The following MED23 variants were observed in gnomAD, a reference collection of about 807,000 sequenced individuals.
The protein encoded by MED23 is mediator of RNA polymerase II transcription subunit 23.
A neutral mutation model predicts 163.9 loss-of-function variants in MED23; 105 were observed. The observed-to-expected ratio is 0.64, with a 90% CI of 0.55 to 0.75. The LOEUF (loss-of-function observed/expected upper bound fraction) is 0.75. MED23 is among the 30% of genes least tolerant of loss of function. MED23 has a pLI of 0.00. For synonymous variants in MED23, 561 were observed against 565.6 expected (o/e 0.99, Z 0.12); for missense variants, 1,054 against 1,649.0 (o/e 0.64, Z 6.25).
chr6:131,575,238 G>A (rs1773557348), intron 30 of MED23, among the ~76,000 whole-genome samples: 1 of 152,310 alleles, frequency 6.6e-6, no homozygotes, highest in East Asian at 1.9e-4. Flanking sequence ...AAGCCAAGGA[G>A]TTTTATCAAA....
At position 131,628,051 on chromosome 6, in the gene MED23, T is replaced by A; in HGVS notation, c.-2A>T. 6.2e-7 allele frequency: 1 copy of A among 1,614,012 alleles called. No individual in the cohort carries two copies. Among genetic ancestry groups the A allele is most frequent in the South Asian group, 1.1e-5 (1 of 91,078 alleles). Reference sequence around the variant, plus strand: ...AATGCTCTGCAGTTGCGTCTCCATCTGTACTATCACCCCCGCCTTTCCAGG... The same window carrying A: ...AATGCTCTGCAGTTGCGTCTCCATCAGTACTATCACCCCCGCCTTTCCAGG... On this transcript the variant is annotated 5_prime_UTR_variant, in exon 1 of 29. Transcript: ENST00000368068.
chr6:131,586,699 C>A, downstream of MED23: 1 of 1,367,444 alleles, frequency 7.3e-7, no homozygotes, highest in South Asian at 1.4e-5. Flanking sequence ...CAGCACACCA[C>A]CTGGCACACA....
At chr6:131,589,998 C>T (rs780879640) in intron 27 of MED23, among the ~76,000 whole-genome samples, 16 of 152,080 alleles carry the variant, frequency 1.1e-4, no homozygotes, top group Non-Finnish European at 2.2e-4. Context: ...TCCTTGTTTG[C>T]GACATTTTGT....
At chr6:131,588,959 C>T (rs1378569399) in intron 28 of MED23, among the ~76,000 whole-genome samples, 1 of 152,050 alleles carries the variant, frequency 6.6e-6, no homozygotes, top group Non-Finnish European at 1.5e-5. Flanking sequence ...ATAAATAATT[C>T]CCTAGGACTT....
chr6:131,575,064 G>C (rs1387789785), intron 30 of MED23, among the ~76,000 whole-genome samples: 2 of 152,046 alleles, frequency 1.3e-5, no homozygotes, highest in Admixed American at 1.3e-4. Context: ...TTCCAAAGTG[G>C]GCAGATAGAG....
intron 30 of MED23, chr6:131,579,341 C>T (rs1436688738): frequency 2.5e-6 from 4 of 1,583,298 alleles, no homozygotes; most frequent in Non-Finnish European, 3.5e-6. Context: ...TAACCAAGGC[C>T]ATAAGAAGAG....
upstream of MED23, chr6:131,628,306 C>G: frequency 1.9e-6 from 1 of 536,672 alleles, no homozygotes; most frequent in East Asian, 3.3e-5. Flanking sequence ...CCAGAAGGTT[C>G]CGTCTGTGGA....
chr6:131,591,874 T>A (rs1163424260), intron 25 of MED23: 2 of 259,686 alleles, frequency 7.7e-6, no homozygotes, highest in Non-Finnish European at 1.5e-5. Context: ...GAAAGGAGTC[T>A]TCATGTGAGC....
intron 22 of MED23, among the ~76,000 whole-genome samples, chr6:131,595,704 A>G (rs1305710890): frequency 2.0e-5 from 3 of 152,214 alleles, no homozygotes; most frequent in African/African-American, 7.2e-5. Context: ...CCCATCCAAG[A>G]AGGCCGCCAA....
intron 8 of MED23, among the ~76,000 whole-genome samples, chr6:131,619,069 C>T (rs1776898062): frequency 6.6e-6 from 1 of 152,208 alleles, no homozygotes; most frequent in South Asian, 2.1e-4. Flanking sequence ...GTCCTACAAG[C>T]ACCTCAAGCT....
Position 131,628,093 on chromosome 6 carries a change from G to A in MED23, c.-44C>T, listed in dbSNP as rs774806739. On this transcript the variant is annotated 5_prime_UTR_variant, in exon 1 of 29. Transcript: ENST00000368068. ...CTTTCCAGGGTGCCCGGCAAGGCCC[G>A]GATCAGACTCGAGCTCTGGGAATAT... 3.1e-6 allele frequency: 5 copies of A among 1,610,144 alleles called. No individual in the cohort carries two copies. The highest frequency in any genetic ancestry group is 2.2e-5 in the South Asian group (2 of 91,034).
At chr6:131,585,752 T>C (rs941067795), downstream of MED23, among the ~76,000 whole-genome samples, 1 of 152,186 alleles carries the variant, frequency 6.6e-6, no homozygotes, top group Non-Finnish European at 1.5e-5. Flanking sequence ...ATAAAGGCAT[T>C]TTTTTCCCCT....
At chr6:131,574,672 T>G (rs1773527610) in intron 30 of MED23, among the ~76,000 whole-genome samples, 1 of 152,072 alleles carries the variant, frequency 6.6e-6, no homozygotes, top group African/African-American at 2.4e-5. Context: ...GTATTTGTCC[T>G]CACCTAAAGG....
chr6:131,593,053 A>G lies in MED23; in HGVS notation c.3351T>C (p.Val1117=). The change falls in exon 24 of 29, where the codon GTT becomes GTC. Residue 1117 remains valine, a synonymous_variant. Transcript: ENST00000368068. The stretch of plus-strand genomic sequence containing the variant: ...GGGCATTCCCAACTTCTTTGCCTGA[A>G]ACTGCCAAGGCCATGAGCTCCACAC... ...VTCVELMALA[V]SGKEVGNALL... The G allele has an allele frequency of 6.2e-7, 1 of 1,614,160 alleles. No homozygotes were observed. The highest frequency in any genetic ancestry group is 1.6e-4 in the Middle Eastern group (1 of 6,062).
At chr6:131,611,859 A>G (rs1197784893) in intron 10 of MED23, among the ~76,000 whole-genome samples, 1 of 152,112 alleles carries the variant, frequency 6.6e-6, no homozygotes, top group Non-Finnish European at 1.5e-5. Flanking sequence ...AAACTAAATA[A>G]AACTAGTTTT....
downstream of MED23, chr6:131,584,435 GT>G (rs1774101132): frequency 6.6e-6 from 1 of 151,022 alleles, no homozygotes; most frequent in Admixed American, 6.6e-5. Flanking sequence ...AAACTACTAA[GT>G]TTTTAATGTT....
chr6:131,594,091 A>G lies in MED23; in HGVS notation c.3232+8T>C, dbSNP rs1490959349. On this transcript the variant is annotated splice_region_variant and intron_variant, in intron 23 of 28. Transcript: ENST00000368068. ...TCTGGGAGTCTAAAATCACAATAAA[A>G]AGGATATTATCGACTAGTCTGCCAA... 2 of 1,597,738 alleles carry G rather than the reference A, an allele frequency of 1.3e-6. No homozygotes were observed. The highest frequency in any genetic ancestry group is 3.3e-5 in the Admixed American group (2 of 59,992).
Position 131,586,786 on chromosome 6 carries a change from A to C in MED23, c.*893T>G. ...CAGCAGACTTTACTCATTAGTTTTCAAGTCTTTCGCAATGCCAATTCCCCC... is the reference window on the plus strand; with the variant it reads ...CAGCAGACTTTACTCATTAGTTTTCCAGTCTTTCGCAATGCCAATTCCCCC... On this transcript the variant is annotated 3_prime_UTR_variant, in exon 29 of 29. Coordinates refer to ENST00000368068, the MANE Select transcript of MED23 (RefSeq NM_004830.4). The C allele has an allele frequency of 6.7e-7, 1 of 1,489,886 alleles. No homozygotes were observed. Among genetic ancestry groups the C allele is most frequent in the South Asian group, 1.2e-5 (1 of 82,276 alleles). The allele number at this position is 1,489,886 out of a possible 1,614,324, so 92.3% of individuals were successfully genotyped here.
At chr6:131,611,621 G>T (rs1283657082) in intron 10 of MED23, among the ~76,000 whole-genome samples, 1 of 152,004 alleles carries the variant, frequency 6.6e-6, no homozygotes, top group Non-Finnish European at 1.5e-5. Flanking sequence ...CACTAGTTCT[G>T]CCAACCACCA....
Sources: allele counts gnomAD v4.1 joint callset (sites outside exome capture counted in the v4.1 genomes callset), GRCh38; gene constraint gnomAD v4.1.1; transcripts MANE v1.5; gene names NCBI Gene and HGNC (gene_info 2026-07-23, HGNC 2026-07-21).